CTNNA3: variants seen among roughly 807,000 people sequenced by gnomAD.
CTNNA3 encodes catenin alpha-3.
Under a neutral mutation model 95.7 loss-of-function variants are expected in CTNNA3, and 76 were observed. The observed-to-expected ratio is 0.79, with a 90% CI of 0.66 to 0.96. The LOEUF (loss-of-function observed/expected upper bound fraction) is 0.96, where lower values mean the gene tolerates loss of function less well. CTNNA3 is among the 40% of genes least tolerant of loss of function. CTNNA3 has a pLI of 0.00. For synonymous variants in CTNNA3, 431 were observed against 374.4 expected, an observed-to-expected ratio of 1.15 and a Z score of -1.74; for missense variants, 1,191 against 1,089.8, an observed-to-expected ratio of 1.09 and a Z score of -1.31.
At chr10:66,748,731 C>G (rs1376397300) in intron 9 of CTNNA3, among the ~76,000 whole-genome samples, 3 of 152,000 alleles carry the variant, frequency 2.0e-5, no homozygotes, top group African/African-American at 7.3e-5. Flanking sequence ...AAAAATTAAG[C>G]AGAAAGTACA....
chr10:67,052,910 A>G (rs1171906739), intron 7 of CTNNA3, among the ~76,000 whole-genome samples: 1 of 152,240 alleles, frequency 6.6e-6, no homozygotes, highest in Admixed American at 6.5e-5. Flanking sequence ...AGCTGAAGCA[A>G]TAATAGTACT....
intron 17 of CTNNA3, among the ~76,000 whole-genome samples, chr10:65,941,798 A>G (rs773184801): frequency 6.6e-6 from 1 of 152,338 alleles, no homozygotes; most frequent in South Asian, 2.1e-4. Flanking sequence ...AAACTTAACC[A>G]AACACAAAGA....
intron 9 of CTNNA3, among the ~76,000 whole-genome samples, chr10:66,755,047 A>G (rs1313608397): frequency 6.6e-6 from 1 of 152,198 alleles, no homozygotes; most frequent in African/African-American, 2.4e-5. Flanking sequence ...CACCCAAAAA[A>G]GCAGAAATGA....
chr10:67,478,042 T>TGA (rs1554841922), intron 5 of CTNNA3, among the ~76,000 whole-genome samples: 1 of 152,206 alleles, frequency 6.6e-6, no homozygotes, highest in Non-Finnish European at 1.5e-5. Flanking sequence ...AAAATACAGT[T>TGA]GAAAGCTTTA....
At chr10:66,278,151 AC>A (rs1490142884) in intron 13 of CTNNA3, among the ~76,000 whole-genome samples, 1 of 147,874 alleles carries the variant, frequency 6.8e-6, no homozygotes, top group African/African-American at 2.5e-5. Flanking sequence ...CAAGAACAGA[AC>A]AAATCAAAAT....
chr10:66,275,723 T>C (rs545284377), intron 13 of CTNNA3, among the ~76,000 whole-genome samples: 2 of 152,104 alleles, frequency 1.3e-5, no homozygotes, highest in African/African-American at 4.8e-5. Context: ...TATCTGAAAC[T>C]GTAAAAGTCT....
chr10:67,704,267 A>G (rs531053286), intron 1 of CTNNA3, among the ~76,000 whole-genome samples: 69 of 152,322 alleles, frequency 4.5e-4, no homozygotes, highest in Admixed American at 1.0e-3. Flanking sequence ...ACAGAATTGT[A>G]AAAAACTGCT....
intron 11 of CTNNA3, among the ~76,000 whole-genome samples, chr10:66,383,775 G>A (rs2092863467): frequency 6.6e-6 from 1 of 152,220 alleles, no homozygotes; most frequent in Admixed American, 6.5e-5. Context: ...AGCCAGAAGA[G>A]AGTAGGGGCC....
chr10:66,581,525 A>G (rs532023631), intron 10 of CTNNA3, among the ~76,000 whole-genome samples: 12 of 151,350 alleles, frequency 7.9e-5, no homozygotes, highest in African/African-American at 2.7e-4. Context: ...ATTTATTCAT[A>G]TGTTTTTGAC....
chr10:66,787,307 C>T (rs73310835), intron 7 of CTNNA3, among the ~76,000 whole-genome samples: 36,291 of 151,556 alleles, frequency 0.24, 4,971 homozygotes, highest in African/African-American at 0.38. Context: ...CATTGCCTCT[C>T]GGTGGTATTT....
chr10:66,346,134 G>A (rs1236439478), intron 12 of CTNNA3, among the ~76,000 whole-genome samples: 1 of 148,260 alleles, frequency 6.7e-6, no homozygotes, highest in Non-Finnish European at 1.5e-5. Flanking sequence ...CTGTTCTCAT[G>A]TTAGAAAGAA....
At chr10:67,707,801 A>G (rs1195827618) in intron 1 of CTNNA3, among the ~76,000 whole-genome samples, 2 of 152,200 alleles carry the variant, frequency 1.3e-5, no homozygotes, top group African/African-American at 4.8e-5. Flanking sequence ...ACGAAATGAA[A>G]GATGTCAGCT....
At chr10:66,419,607 G>T (rs2093175194) in intron 11 of CTNNA3, among the ~76,000 whole-genome samples, 1 of 152,030 alleles carries the variant, frequency 6.6e-6, no homozygotes. Flanking sequence ...AAATAATAAA[G>T]CTGGAGGCAT....
chr10:67,586,324 G>A (rs1842625315), intron 3 of CTNNA3, among the ~76,000 whole-genome samples: 1 of 152,070 alleles, frequency 6.6e-6, no homozygotes, highest in African/African-American at 2.4e-5. Flanking sequence ...TTCTGTAAAT[G>A]TCTGTCAGGT....
intron 7 of CTNNA3, among the ~76,000 whole-genome samples, chr10:66,950,298 AT>A (rs1349144412): frequency 6.6e-6 from 1 of 152,058 alleles, no homozygotes. Context: ...CTTGAAGTAT[AT>A]TTACTTATAT....
chr10:66,975,521 T>G (rs1849978857), intron 7 of CTNNA3, among the ~76,000 whole-genome samples: 1 of 152,204 alleles, frequency 6.6e-6, no homozygotes, highest in Admixed American at 6.5e-5. Context: ...TTTGGCTGGA[T>G]ATTGCAAATC....
At chr10:66,558,450 G>C (rs1015783300) in intron 10 of CTNNA3, among the ~76,000 whole-genome samples, 1 of 152,050 alleles carries the variant, frequency 6.6e-6, no homozygotes, top group Non-Finnish European at 1.5e-5. Context: ...GGAAATCTTT[G>C]ACACTTTTCT....
At chr10:67,253,844 G>T (rs1866217534) in intron 5 of CTNNA3, among the ~76,000 whole-genome samples, 1 of 152,166 alleles carries the variant, frequency 6.6e-6, no homozygotes, top group African/African-American at 2.4e-5. Context: ...GGCCCAGAAG[G>T]TAATGCAATA....
chr10:66,980,920 T>G (rs1850393505), intron 7 of CTNNA3, among the ~76,000 whole-genome samples: 1 of 151,976 alleles, frequency 6.6e-6, no homozygotes, highest in African/African-American at 2.4e-5. Flanking sequence ...ATTTATTTAT[T>G]TTTGAGACAG....
Sources: allele counts gnomAD v4.1 joint callset (sites outside exome capture counted in the v4.1 genomes callset), GRCh38; gene constraint gnomAD v4.1.1; transcripts MANE v1.5; gene names NCBI Gene and HGNC (gene_info 2026-07-23, HGNC 2026-07-21).